The following PREX2 variants were observed in gnomAD, a reference collection of about 807,000 sequenced individuals.
PREX2 encodes phosphatidylinositol 3,4,5-trisphosphate-dependent Rac exchanger 2 protein.
PREX2 carries 107 observed loss-of-function variants against 203.2 expected under a neutral mutation model. The ratio of observed to expected loss-of-function variants is 0.53; its 90% CI spans 0.45 to 0.62. The LOEUF (loss-of-function observed/expected upper bound fraction) is 0.62, where lower values mean the gene tolerates loss of function less well. Ranked by LOEUF, PREX2 falls within the 20% of genes least tolerant of loss-of-function variation. PREX2 has a pLI of 0.00. For missense variants in PREX2, 1,777 were observed against 1,955.9 expected (o/e 0.91, Z 1.72); for synonymous variants, 672 against 663.6 (o/e 1.01, Z -0.19).
At chr8:68,103,239 C>T (rs1313527210) in intron 23 of PREX2, among the ~76,000 whole-genome samples, 1 of 152,084 alleles carries the variant, frequency 6.6e-6, no homozygotes, top group Non-Finnish European at 1.5e-5. Context: ...AAAAATCTTC[C>T]CCGTGTCCCC....
In PREX2 at chr8:68,190,389, C is replaced by T. The variant is rs533797547; in HGVS notation, c.4347-1333C>T. Among the ~76,000 whole-genome samples, 8 of 151,934 alleles carry T rather than the reference C, an allele frequency of 5.3e-5. 1 individual carries two copies. The highest frequency in any genetic ancestry group is 1.2e-4 in the African/African-American group (5 of 41,440). On this transcript the variant is annotated intron_variant, in intron 35 of 39. Coordinates refer to ENST00000288368, the MANE Select transcript of PREX2 (RefSeq NM_024870.4). ...ACTGTATGCTTGAGAATGCTCAAAA[C>T]GGCATAATATGCAGCTGTAAAAAAC...
intron 8 of PREX2, 119 bp from the exon 9 acceptor site, chr8:68,052,978 A>G (rs994597689): frequency 2.4e-6 from 2 of 820,590 alleles, no homozygotes; most frequent in African/African-American, 3.5e-5. Flanking sequence ...ACATATGTAA[A>G]GCAAAGAGAT....
At chr8:68,187,770 T>C (rs1012893711) in intron 35 of PREX2, among the ~76,000 whole-genome samples, 1 of 152,018 alleles carries the variant, frequency 6.6e-6, no homozygotes, top group Admixed American at 6.6e-5. Context: ...AATATGAGGA[T>C]AGGAAATGCA....
intron 4 of PREX2, among the ~76,000 whole-genome samples, 190 bp from the exon 5 acceptor site, chr8:68,027,032 A>C (rs902021444): frequency 2.6e-4 from 39 of 152,176 alleles, no homozygotes; most frequent in African/African-American, 8.7e-4. Flanking sequence ...TACAGATTCA[A>C]AACACAGTTC....
chr8:68,198,203 T>C (rs575761839), intron 37 of PREX2, among the ~76,000 whole-genome samples: 42 of 152,354 alleles, frequency 2.8e-4, no homozygotes, highest in Non-Finnish European at 5.4e-4. Context: ...TTATATATTG[T>C]ACTTCTTTAC....
intron 1 of PREX2, among the ~76,000 whole-genome samples, chr8:67,958,347 G>A (rs1805545176): frequency 6.6e-6 from 1 of 152,144 alleles, no homozygotes; most frequent in African/African-American, 2.4e-5. Context: ...GGAGGAATGT[G>A]CTATACTGGG....
Position 67,956,515 on chromosome 8 carries a change from A to C in PREX2, c.141+3980A>C, listed in dbSNP as rs142266054. ...ATGAGCAGAGCAGATACATGAAAGAAAAAAGCTTTATATTTCAGTACCTTT... is the reference window on the plus strand; with the variant it reads ...ATGAGCAGAGCAGATACATGAAAGACAAAAGCTTTATATTTCAGTACCTTT... On this transcript the variant is annotated intron_variant, in intron 1 of 39. Transcript: ENST00000288368. Among the ~76,000 whole-genome samples, 8 of 152,364 alleles carry C rather than the reference A, an allele frequency of 5.3e-5. No homozygotes were observed. The East Asian group carries it at 1.5e-3, about 29-fold the overall frequency.
intron 34 of PREX2, among the ~76,000 whole-genome samples, chr8:68,149,737 C>CA (rs1454871446): frequency 2.0e-5 from 3 of 152,096 alleles, no homozygotes; most frequent in African/African-American, 7.2e-5. Context: ...CTGCCCCATG[C>CA]AAAATCAATT....
rs1317481848 is a variant in PREX2, at chr8:68,231,382, G to C, written c.*4G>C. ...TCCCCCAGCTGGAGAAGAATGAAAAGAACTCCCAAGAAACCAGGCAGGCAG... is the reference window on the plus strand; with the variant it reads ...TCCCCCAGCTGGAGAAGAATGAAAACAACTCCCAAGAAACCAGGCAGGCAG... On this transcript the variant is annotated 3_prime_UTR_variant, in exon 40 of 40. Coordinates refer to ENST00000288368, the MANE Select transcript of PREX2 (RefSeq NM_024870.4). The C allele has an allele frequency of 6.3e-7, 1 of 1,597,356 alleles. No homozygotes were observed. Among genetic ancestry groups the C allele is most frequent in the Admixed American group, 1.7e-5 (1 of 57,332 alleles).
intron 39 of PREX2, 97 bp from the exon 40 acceptor site, chr8:68,231,236 A>G (rs1813164518): frequency 1.1e-6 from 1 of 872,572 alleles, no homozygotes; most frequent in Admixed American, 3.8e-5. Flanking sequence ...CTCACGAAAC[A>G]AGAAATTATC....
In PREX2 at chr8:68,060,693, G is replaced by A. The variant is rs759063776; in HGVS notation, c.1253G>A (p.Trp418Ter). ...TTCTCTTGCAGCGAATTTGTGTCATGGCTGTTGGAAATTGGAGAGATTCAC... is the reference window on the plus strand; with the variant it reads ...TTCTCTTGCAGCGAATTTGTGTCATAGCTGTTGGAAATTGGAGAGATTCAC... ...KCFLGSEFVS[W>*]LLEIGEIHRP... The change falls in exon 11 of 40, where the codon TGG becomes TAG. Residue 418 changes from tryptophan to a stop codon, truncating the protein, a stop_gained. Coordinates refer to ENST00000288368, the MANE Select transcript of PREX2 (RefSeq NM_024870.4). LOFTEE classifies it high-confidence loss of function. 1 of 1,610,608 alleles carries A rather than the reference G, an allele frequency of 6.2e-7. No individual in the cohort carries two copies. The highest frequency in any genetic ancestry group is 8.5e-7 in the Non-Finnish European group (1 of 1,178,960).
At chr8:67,997,584 T>C (rs1202598374) in intron 1 of PREX2, among the ~76,000 whole-genome samples, 3 of 152,210 alleles carry the variant, frequency 2.0e-5, no homozygotes, top group Non-Finnish European at 2.9e-5. Flanking sequence ...CAAGATTGTT[T>C]TGCCCATTCT....
At chr8:67,972,547 G>C (rs770793852) in intron 1 of PREX2, among the ~76,000 whole-genome samples, 1 of 152,016 alleles carries the variant, frequency 6.6e-6, no homozygotes, top group Admixed American at 6.6e-5. Context: ...AAGGTTCCCC[G>C]TGACTATCTT....
At chr8:68,208,985 A>G (rs1288048002) in intron 37 of PREX2, among the ~76,000 whole-genome samples, 1 of 151,204 alleles carries the variant, frequency 6.6e-6, no homozygotes, top group South Asian at 2.1e-4. Flanking sequence ...CAGGAGGATC[A>G]CTTAAGCGCA....
At chr8:68,158,148 AAT>A (rs1188754241) in intron 35 of PREX2, among the ~76,000 whole-genome samples, 1 of 149,258 alleles carries the variant, frequency 6.7e-6, no homozygotes, top group Non-Finnish European at 1.5e-5. Flanking sequence ...CACATATATG[AAT>A]ATATATGTGT....
chr8:68,090,512 A>G, intron 19 of PREX2, 67 bp from the exon 20 acceptor site: 3 of 1,392,474 alleles, frequency 2.2e-6, no homozygotes, highest in South Asian at 1.3e-5. Flanking sequence ...CCATAATTGT[A>G]TATATCATAC....
chr8:68,026,332 AC>A (rs753450010), intron 4 of PREX2, among the ~76,000 whole-genome samples: 129 of 151,394 alleles, frequency 8.5e-4, no homozygotes, highest in Non-Finnish European at 1.5e-3. Flanking sequence ...CTCTCAGTGA[AC>A]CTGAAACAGT....
At chr8:68,191,219 C>T (rs988218789) in intron 35 of PREX2, among the ~76,000 whole-genome samples, 3 of 152,104 alleles carry the variant, frequency 2.0e-5, no homozygotes, top group Non-Finnish European at 4.4e-5. Flanking sequence ...TGGAAAGAAT[C>T]GCCTCAGTGT....
At chr8:68,157,109 T>G (rs1811556601) in intron 34 of PREX2, among the ~76,000 whole-genome samples, 1 of 152,168 alleles carries the variant, frequency 6.6e-6, no homozygotes, top group Non-Finnish European at 1.5e-5. Context: ...GAAATTTTCT[T>G]TGCCCATTGG....
Sources: gnomAD v4.1 joint callset for allele counts (sites outside exome capture counted in the v4.1 genomes callset) on GRCh38, gnomAD v4.1.1 for gene constraint, MANE v1.5 for transcripts, NCBI Gene and HGNC (gene_info 2026-07-23, HGNC 2026-07-21) for gene names.